USP16: variants seen among roughly 807,000 people sequenced by gnomAD.
USP16 encodes ubiquitin carboxyl-terminal hydrolase 16.
USP16 carries 77 observed loss-of-function variants against 95.9 expected under a neutral mutation model. The ratio of observed to expected loss-of-function variants is 0.80; its 90% confidence interval spans 0.67 to 0.97. The LOEUF (loss-of-function observed/expected upper bound fraction) is 0.97, where lower values mean the gene tolerates loss of function less well. Ranked by LOEUF, USP16 falls within the 50% of genes least tolerant of loss-of-function variation. USP16 has a pLI of 0.00. For missense variants in USP16, 943 were observed against 959.9 expected (o/e 0.98, Z 0.23); for synonymous variants, 303 against 318.2 (o/e 0.95, Z 0.51).
intron 3 of USP16, 84 bp from the exon 4 acceptor site, chr21:29,034,753 A>G: frequency 8.2e-7 from 1 of 1,218,074 alleles, no homozygotes. Flanking sequence ...TTCATGAGCC[A>G]CTTCCTTGTT....
intron 14 of USP16, among the ~76,000 whole-genome samples, chr21:29,047,969 T>G (rs1352031711): frequency 6.6e-6 from 1 of 150,614 alleles, no homozygotes; most frequent in African/African-American, 2.5e-5. Context: ...TGTGTGTGTA[T>G]GTATATATAT....
chr21:29,039,790 A>G (rs2085217346), intron 9 of USP16, among the ~76,000 whole-genome samples: 2 of 152,180 alleles, frequency 1.3e-5, no homozygotes, highest in Non-Finnish European at 2.9e-5. Flanking sequence ...AGTTTAGTTG[A>G]TGTTTACAGC....
At chr21:29,048,267 G>A (rs1406929260) in intron 14 of USP16, among the ~76,000 whole-genome samples, 2 of 152,050 alleles carry the variant, frequency 1.3e-5, no homozygotes, top group Non-Finnish European at 2.9e-5. Context: ...ATTTTTAATA[G>A]AGATAGGGTT....
rs2085204461 is a variant in USP16, at chr21:29,039,052, TC to T, written c.761del (p.Pro254GlnfsTer6). The T allele has an allele frequency of 1.3e-6, 2 of 1,578,454 alleles. No individual in the cohort carries two copies. Among genetic ancestry groups the T allele is most frequent in the Non-Finnish European group, 1.7e-6 (2 of 1,161,004 alleles). The part of the protein sequence containing the change: ...TEPLEINLEP[P>X]GPLTLAMSQF... ...AACCATTAGAAATAAACCTTGAGCCTCCAGGCCCTCTTACTTTAGCCATGAG... is the reference window on the plus strand; with the variant it reads ...AACCATTAGAAATAAACCTTGAGCCTCAGGCCCTCTTACTTTAGCCATGAG... On this transcript the variant is annotated frameshift_variant, in exon 8 of 18. Transcript: ENST00000399976. LOFTEE classifies it high-confidence loss of function.
rs951509280 is a variant in USP16, at chr21:29,034,287, T to C, written c.241-550T>C. 1.1e-4 allele frequency among the ~76,000 whole-genome samples: 16 copies of C among 151,394 alleles called. 1 individual carries two copies. Among genetic ancestry groups the C allele is most frequent in the South Asian group, 8.3e-4 (4 of 4,826 alleles). ...GGAAAGTTGGACAAGAAGAGTACTTTGAGTGCATGGTTTTCTTTTTTTTTT... is the reference window on the plus strand; with the variant it reads ...GGAAAGTTGGACAAGAAGAGTACTTCGAGTGCATGGTTTTCTTTTTTTTTT... On this transcript the variant is annotated intron_variant, in intron 3 of 17. Coordinates refer to ENST00000399976, the MANE Select transcript of USP16 (RefSeq NM_006447.3).
chr21:29,044,520 A>T (rs980846727), intron 13 of USP16, among the ~76,000 whole-genome samples: 1 of 144,112 alleles, frequency 6.9e-6, no homozygotes, highest in Non-Finnish European at 1.5e-5. Context: ...AGATCTTGGC[A>T]CACTGCAACC....
chr21:29,042,413 C>A, intron 11 of USP16, 59 bp from the exon 12 acceptor site: 1 of 1,526,334 alleles, frequency 6.6e-7, no homozygotes, highest in Admixed American at 1.9e-5. Context: ...CAGGGAGGAT[C>A]TTACTATGTA....
Position 29,034,934 on chromosome 21 carries a change from G to A in USP16, c.338G>A (p.Ser113Asn). 6.2e-7 allele frequency: 1 copy of A among 1,613,502 alleles called. No homozygotes were observed. The highest frequency in any genetic ancestry group is 8.5e-7 in the Non-Finnish European group (1 of 1,179,514). The change falls in exon 4 of 18, where the codon AGT becomes AAT. Residue 113 changes from serine to asparagine, a missense_variant. Ser to Asn is a conservative substitution (Grantham distance 46, BLOSUM62 1). Coordinates refer to ENST00000399976, the MANE Select transcript of USP16 (RefSeq NM_006447.3). ...HCLVLSLDNW[S>N]VWCYVCDNEV... ...CTGGTTCTTAGTTTGGACAACTGGAGTGTATGGTGAGTTTCAGTTCCTCTG... is the reference window on the plus strand; with the variant it reads ...CTGGTTCTTAGTTTGGACAACTGGAATGTATGGTGAGTTTCAGTTCCTCTG...
chr21:29,047,107 T>A lies in USP16; in HGVS notation c.1797T>A (p.His599Gln). 6.2e-7 allele frequency: 1 copy of A among 1,614,114 alleles called. No individual in the cohort carries two copies. Among genetic ancestry groups the A allele is most frequent in the Non-Finnish European group, 8.5e-7 (1 of 1,180,014 alleles). ...ATATAGAGATTCTGAATGATAGTCA[T>A]ACTCCTGGAACAAAGGTGTATGAGG... ...EINIEILNDS[H>Q]TPGTKVYEVV... Residue 599 changes from histidine (H) to glutamine (Q), a missense_variant, in exon 14 of 18, where the codon CAT (histidine) becomes CAA (glutamine). Transcript: ENST00000399976.
intron 1 of USP16, chr21:29,026,639 C>T (rs994332107): frequency 2.2e-5 from 3 of 137,810 alleles, no homozygotes; most frequent in African/African-American, 8.0e-5. Context: ...ACCTCGATCT[C>T]CCAAAGTGTT....
intron 1 of USP16, among the ~76,000 whole-genome samples, chr21:29,025,323 A>G (rs932938454): frequency 1.3e-5 from 2 of 152,256 alleles, no homozygotes; most frequent in African/African-American, 4.8e-5. Context: ...GAGACTTGGA[A>G]TAATATGAGA....
In USP16 at chr21:29,039,497, G is replaced by C; in HGVS notation, c.880G>C (p.Gly294Arg). 6.2e-7 allele frequency: 1 copy of C among 1,613,168 alleles called. No homozygotes were observed. ...TTTCTCTAGAGCAGTGCGGTTTAAA[G>C]GCTATCAGCAGCAAGACAGCCAGGA... ...QVCKKAVRFK[G>R]YQQQDSQELL... is the part of the protein sequence containing the mutation. Residue 294 changes from glycine (G) to arginine (R), a missense_variant, in exon 9 of 18, where the codon GGC becomes CGC. Gly to Arg is a moderately radical substitution (Grantham distance 125). Transcript: ENST00000399976.
intron 14 of USP16, 56 bp from the exon 15 acceptor site, chr21:29,048,705 T>C (rs867038454): frequency 4.2e-5 from 57 of 1,341,578 alleles, no homozygotes; most frequent in South Asian, 4.0e-4. Flanking sequence ...CAAATCTGAA[T>C]GCTTTAGGGG....
chr21:29,038,269 T>A, intron 6 of USP16, 66 bp from the exon 7 acceptor site: 7 of 1,083,588 alleles, frequency 6.5e-6, no homozygotes, highest in Non-Finnish European at 9.7e-6. Context: ...AATAGACACT[T>A]AAGAAGTGTC....
At chr21:29,050,289 G>C (rs1337229867) in intron 16 of USP16, 111 bp downstream of exon 16, 25 of 831,030 alleles carry the variant, frequency 3.0e-5, no homozygotes, top group Non-Finnish European at 4.4e-5. Flanking sequence ...TTATTGAGTA[G>C]AGTGGGTCTT....
intron 2 of USP16, among the ~76,000 whole-genome samples, chr21:29,028,265 GAC>G (rs1277135311): frequency 2.0e-5 from 3 of 150,438 alleles, no homozygotes; most frequent in African/African-American, 7.3e-5. Context: ...TGGGATTACA[GAC>G]ACATCCCACC....
Position 29,037,326 on chromosome 21 carries a change from G to A in USP16, c.499G>A (p.Glu167Lys). Residue 167 changes from glutamate (E) to lysine (K), a missense_variant, in exon 6 of 18, where the codon GAG becomes AAG. Transcript: ENST00000399976. ...ACTTGAAAATAAAAAATTAGAAAAA[G>A]AGAGTAAGAATGAACAAGAGAGAGA... ...IELENKKLEK[E>K]SKNEQEREKK... The A allele has an allele frequency of 6.4e-7, 1 of 1,573,398 alleles. No individual in the cohort carries two copies.
chr21:29,043,472 A>G lies in USP16; in HGVS notation c.1229A>G (p.Asp410Gly), dbSNP rs578252032. The G allele has an allele frequency of 6.3e-7, 1 of 1,580,248 alleles. No individual in the cohort carries two copies. The highest frequency in any genetic ancestry group is 1.2e-5 in the South Asian group (1 of 83,348). ...NDKNLKKTVE[D>G]EDQDSEEEKD... ...AAAAATCTGAAAAAGACAGTGGAGG[A>G]TGAAGATCAAGATAGTGAGGAAGAA... The change falls in exon 13 of 18, where the codon GAT becomes GGT. Residue 410 changes from aspartate (D) to glycine (G), a missense_variant. Asp to Gly is a moderately conservative substitution (Grantham distance 94, BLOSUM62 -1). Transcript: ENST00000399976.
intron 4 of USP16, among the ~76,000 whole-genome samples, chr21:29,035,169 G>A (rs2085135447): frequency 1.3e-5 from 2 of 152,046 alleles, no homozygotes; most frequent in South Asian, 4.1e-4. Context: ...TTACCCCTTT[G>A]TTTTTCTTGC....
Sources: gnomAD v4.1 joint callset for allele counts (sites outside exome capture counted in the v4.1 genomes callset) on GRCh38, gnomAD v4.1.1 for gene constraint, MANE v1.5 for transcripts, NCBI Gene and HGNC (gene_info 2026-07-23, HGNC 2026-07-21) for gene names.